The following CLDN10 variants were observed in gnomAD, a reference collection of about 807,000 sequenced individuals.
CLDN10 encodes the protein claudin-10.
CLDN10 carries 15 observed loss-of-function variants against 22.9 expected under a neutral mutation model. The ratio of observed to expected loss-of-function variants is 0.65; its 90% CI spans 0.44 to 1.01. CLDN10 has a LOEUF of 1.01. CLDN10 is among the 50% of genes least tolerant of loss of function. The probability of loss-of-function intolerance (pLI) is 0.00; values close to 1 mark genes in which losing one functional copy is unlikely to be tolerated. For synonymous variants in CLDN10, 114 were observed against 111.4 expected (o/e 1.02, Z -0.15); for missense variants, 247 against 287.8 (o/e 0.86, Z 1.03).
chr13:95,550,568 T>C (rs2138637899), upstream of CLDN10, among the ~76,000 whole-genome samples: 1 of 152,152 alleles, frequency 6.6e-6, no homozygotes, highest in South Asian at 2.1e-4. Context: ...TTTAGAAAAA[T>C]CAGTAAGAAA....
intron 1 of CLDN10, chr13:95,434,057 ATGGCTTTG>A (rs1192136150): frequency 6.2e-6 from 10 of 1,611,174 alleles, no homozygotes; most frequent in Non-Finnish European, 8.5e-6. Flanking sequence ...GGTAAATATA[ATGGCTTTG>A]TTTGGGGTGG....
chr13:95,534,610 C>T (rs2043380788), intron 1 of CLDN10, among the ~76,000 whole-genome samples: 1 of 152,024 alleles, frequency 6.6e-6, no homozygotes, highest in East Asian at 1.9e-4. Flanking sequence ...ATGCATGATT[C>T]ACAGTGATAG....
Position 95,470,283 on chromosome 13 carries a change from T to C in CLDN10, c.214+36236T>C, listed in dbSNP as rs187165463. ...TAAGATTAGATTGTTTTTGTTTTGT[T>C]GTTTTGTTTTAGAGAGTCTTGCTAT... On this transcript the variant is annotated intron_variant, in intron 1 of 4. Transcript: ENST00000376873. 3.3e-4 allele frequency among the ~76,000 whole-genome samples: 51 copies of C among 152,260 alleles called. 1 individual carries two copies. The East Asian group carries it at 9.3e-3, about 28-fold the overall frequency.
intron 1 of CLDN10, among the ~76,000 whole-genome samples, chr13:95,539,248 T>C (rs1488838101): frequency 6.6e-6 from 1 of 152,150 alleles, no homozygotes; most frequent in Non-Finnish European, 1.5e-5. Flanking sequence ...TGTTTGAGGA[T>C]AGCAATGTAA....
chr13:95,455,195 T>C (rs1379156486), intron 1 of CLDN10, among the ~76,000 whole-genome samples: 6 of 134,018 alleles, frequency 4.5e-5, no homozygotes, highest in South Asian at 2.5e-4. Context: ...TAGCCTCTAA[T>C]AGAAAAAAAA....
chr13:95,440,667 G>A (rs1488639926), intron 1 of CLDN10, among the ~76,000 whole-genome samples: 1 of 152,178 alleles, frequency 6.6e-6, no homozygotes, highest in Non-Finnish European at 1.5e-5. Context: ...AGTCCAAGAA[G>A]CATTCGACAT....
chr13:95,520,013 A>G (rs1304080888), intron 1 of CLDN10, among the ~76,000 whole-genome samples: 2 of 127,348 alleles, frequency 1.6e-5, no homozygotes, highest in African/African-American at 3.1e-5. Context: ...TGTTTGGGGA[A>G]TATAGTGTGT....
At chr13:95,461,380 G>A (rs2042535399) in intron 1 of CLDN10, among the ~76,000 whole-genome samples, 1 of 152,292 alleles carries the variant, frequency 6.6e-6, no homozygotes, top group East Asian at 1.9e-4. Flanking sequence ...GGAGAGGAAA[G>A]AACAGATACT....
At chr13:95,456,565 C>T (rs996604415) in intron 1 of CLDN10, among the ~76,000 whole-genome samples, 1 of 151,950 alleles carries the variant, frequency 6.6e-6, no homozygotes, top group Non-Finnish European at 1.5e-5. Flanking sequence ...CCAGCTTGGG[C>T]AACATAATAA....
intron 1 of CLDN10, among the ~76,000 whole-genome samples, chr13:95,528,125 T>G (rs927016552): frequency 2.0e-5 from 3 of 152,152 alleles, no homozygotes; most frequent in Admixed American, 2.0e-4. Context: ...TTGATATGGT[T>G]TGGCTGTGTC....
intron 1 of CLDN10, among the ~76,000 whole-genome samples, chr13:95,541,636 G>A (rs1257872528): frequency 6.6e-6 from 1 of 151,894 alleles, no homozygotes; most frequent in South Asian, 2.1e-4. Context: ...TTTGAGACTT[G>A]TTTTGACACA....
rs913770184 is a variant in CLDN10 at position 95,578,125 on chromosome 13, T to C, written c.*111T>C. On this transcript the variant is annotated 3_prime_UTR_variant, in exon 5 of 5. Transcript: ENST00000299339. ...AACACTCAAAACTATTTTTAAAATA[T>C]GCATTTGAAGCATCTGTTGATTGTA... 3.3e-6 allele frequency: 2 copies of C among 610,566 alleles called. No homozygotes were observed. The highest frequency in any genetic ancestry group is 2.8e-5 in the East Asian group (1 of 35,394). 37.8% of individuals were successfully genotyped at this position (610,566 alleles called of 1,614,324 possible).
intron 1 of CLDN10, among the ~76,000 whole-genome samples, chr13:95,499,966 A>T (rs2042967808): frequency 6.6e-6 from 1 of 152,180 alleles, no homozygotes; most frequent in African/African-American, 2.4e-5. Flanking sequence ...GTTTTAAGGA[A>T]GTTTACAAAT....
intron 1 of CLDN10, among the ~76,000 whole-genome samples, chr13:95,483,638 C>A (rs1244260068): frequency 6.6e-6 from 1 of 152,216 alleles, no homozygotes; most frequent in East Asian, 1.9e-4. Context: ...GTGGGCAGAG[C>A]AGTGACGTTG....
chr13:95,537,956 C>T (rs2043417820), intron 1 of CLDN10, among the ~76,000 whole-genome samples: 1 of 152,150 alleles, frequency 6.6e-6, no homozygotes. Flanking sequence ...CCTTCAGTGG[C>T]AACATACAAA....
chr13:95,561,333 T>C (rs1026170289), intron 3 of CLDN10, among the ~76,000 whole-genome samples: 3 of 152,196 alleles, frequency 2.0e-5, no homozygotes, highest in Non-Finnish European at 2.9e-5. Context: ...CTTTACTTTT[T>C]TTCTGGTGGT....
chr13:95,561,999 G>A (rs1379411092), intron 3 of CLDN10, among the ~76,000 whole-genome samples: 1 of 150,378 alleles, frequency 6.6e-6, no homozygotes, highest in Non-Finnish European at 1.5e-5. Context: ...GTGCGATCTC[G>A]ACTCACTGCA....
intron 1 of CLDN10, among the ~76,000 whole-genome samples, chr13:95,482,989 T>C (rs534209558): frequency 6.6e-6 from 1 of 152,240 alleles, no homozygotes; most frequent in South Asian, 2.1e-4. Flanking sequence ...CAAAAATAAA[T>C]AAATACATAA....
chr13:95,500,906 T>C (rs879375694), intron 1 of CLDN10, among the ~76,000 whole-genome samples: 11 of 151,924 alleles, frequency 7.2e-5, no homozygotes, highest in Admixed American at 3.3e-4. Flanking sequence ...ACAAAGAAAA[T>C]TGAACTGAGC....
Sources: allele counts gnomAD v4.1 joint callset (sites outside exome capture counted in the v4.1 genomes callset), GRCh38; gene constraint gnomAD v4.1.1; transcripts MANE v1.5; gene names NCBI Gene and HGNC (gene_info 2026-07-23, HGNC 2026-07-21).